NCAM1: variants seen among roughly 807,000 people sequenced by gnomAD.
The protein encoded by NCAM1 is neural cell adhesion molecule 1.
In NCAM1, 14 loss-of-function variants were observed where a neutral mutation model predicts 109.8. That is an observed-to-expected ratio of 0.13 (90% CI 0.08 to 0.20). The LOEUF is 0.20. Ranked by LOEUF, NCAM1 falls within the 10% of genes least tolerant of loss-of-function variation. The pLI, the probability that NCAM1 is intolerant of heterozygous loss-of-function variation, is 1.00. For synonymous variants in NCAM1, 418 were observed against 442.9 expected (o/e 0.94, Z 0.70); for missense variants, 774 against 1,109.9 (o/e 0.70, Z 4.30).
In NCAM1 at chr11:113,125,321, C is replaced by T. The variant is rs144330932; in HGVS notation, c.53-77058C>T. On this transcript the variant is annotated intron_variant, in intron 1 of 19. Coordinates refer to ENST00000316851, the MANE Select transcript of NCAM1 (RefSeq NM_181351.5). ...CACGTTTCCTCTGTAATGATTGCAG[C>T]AGTATCTTAGAAATTCTAAACCCTA... Among the ~76,000 whole-genome samples the T allele has an allele frequency of 2.3e-3, 347 of 152,258 alleles. 1 individual carries two copies. The highest frequency in any genetic ancestry group is 4.1e-3 in the Non-Finnish European group (276 of 68,012).
At chr11:113,223,717 A>G (rs1398437641) in intron 9 of NCAM1, among the ~76,000 whole-genome samples, 2 of 152,128 alleles carry the variant, frequency 1.3e-5, no homozygotes, top group Non-Finnish European at 2.9e-5. Flanking sequence ...GTCACAAAGA[A>G]TTTTAGTTCA....
At chr11:113,232,643 A>G in intron 11 of NCAM1, 75 bp from the exon 12 acceptor site, 1 of 1,205,502 alleles carries the variant, frequency 8.3e-7, no homozygotes. Context: ...TACTAACTTA[A>G]TTCAGTAAAT....
chr11:113,185,537 C>G (rs1164420321), intron 1 of NCAM1, among the ~76,000 whole-genome samples: 2 of 152,090 alleles, frequency 1.3e-5, no homozygotes, highest in Non-Finnish European at 2.9e-5. Context: ...ATAAAATTAA[C>G]CATCACAATC....
intron 1 of NCAM1, among the ~76,000 whole-genome samples, chr11:113,029,477 G>A (rs1555077990): frequency 6.6e-6 from 1 of 152,170 alleles, no homozygotes. Context: ...AAGCAATTCA[G>A]TATTGATACT....
intron 15 of NCAM1, among the ~76,000 whole-genome samples, chr11:113,255,535 A>T (rs1242552873): frequency 1.3e-5 from 2 of 151,774 alleles, no homozygotes; most frequent in Admixed American, 1.3e-4. Context: ...TCAGGCTTAT[A>T]AAAATTAAAT....
chr11:113,169,455 CTGTACCTCACATA>C (rs1942918641), intron 1 of NCAM1, among the ~76,000 whole-genome samples: 1 of 152,162 alleles, frequency 6.6e-6, no homozygotes, highest in Non-Finnish European at 1.5e-5. Flanking sequence ...ATAGTTCAAG[CTGTACCTCACATA>C]GGGGAAGAGA....
At chr11:113,164,016 A>T (rs1225020155) in intron 1 of NCAM1, among the ~76,000 whole-genome samples, 1 of 152,198 alleles carries the variant, frequency 6.6e-6, no homozygotes, top group Admixed American at 6.5e-5. Context: ...ACACCACATT[A>T]TCTTGCAAGG....
intron 1 of NCAM1, among the ~76,000 whole-genome samples, chr11:113,167,528 T>C (rs1209318698): frequency 1.1e-5 from 1 of 94,014 alleles, no homozygotes; most frequent in Admixed American, 1.4e-4. Context: ...GAAACGTGTT[T>C]TTTTTTTTTT....
chr11:113,148,932 T>C (rs910477436), intron 1 of NCAM1, among the ~76,000 whole-genome samples: 6 of 152,044 alleles, frequency 3.9e-5, no homozygotes, highest in Non-Finnish European at 2.9e-5. Flanking sequence ...AGCCAATGAG[T>C]GACTGTCTCA....
chr11:113,199,320 G>A (rs1555111408), intron 1 of NCAM1, among the ~76,000 whole-genome samples: 4 of 152,150 alleles, frequency 2.6e-5, no homozygotes, highest in Non-Finnish European at 5.9e-5. Context: ...GAGTAGGAAA[G>A]GACCAGGCAG....
chr11:113,068,609 T>C (rs1383091252), intron 1 of NCAM1, among the ~76,000 whole-genome samples: 1 of 152,220 alleles, frequency 6.6e-6, no homozygotes, highest in Non-Finnish European at 1.5e-5. Context: ...ATTCCTGTGA[T>C]TAATTCCACG....
At chr11:113,067,320 A>G (rs763073134) in intron 1 of NCAM1, among the ~76,000 whole-genome samples, 38 of 152,322 alleles carry the variant, frequency 2.5e-4, no homozygotes, top group Non-Finnish European at 4.7e-4. Flanking sequence ...TGGAAGCCCA[A>G]GGTTTCACTG....
At chr11:113,214,186 C>T (rs1185553403) in intron 7 of NCAM1, among the ~76,000 whole-genome samples, 183 bp from the exon 8 acceptor site, 1 of 152,168 alleles carries the variant, frequency 6.6e-6, no homozygotes, top group Non-Finnish European at 1.5e-5. Context: ...TTATGGTTTC[C>T]GTGTTGTCAC....
chr11:113,100,054 T>A (rs1591324235), intron 1 of NCAM1, among the ~76,000 whole-genome samples: 1 of 152,186 alleles, frequency 6.6e-6, no homozygotes, highest in African/African-American at 2.4e-5. Flanking sequence ...AATCCCACCT[T>A]CTTTTCAACC....
chr11:113,183,971 C>A (rs1307336693), intron 1 of NCAM1, among the ~76,000 whole-genome samples: 28 of 152,202 alleles, frequency 1.8e-4, no homozygotes, highest in African/African-American at 6.8e-4. Flanking sequence ...AGTATGTAAG[C>A]TGTAGAGGTC....
chr11:113,116,402 AGGGACCATCACAACACT>A (rs1940710866), intron 1 of NCAM1, among the ~76,000 whole-genome samples: 7 of 152,170 alleles, frequency 4.6e-5, no homozygotes, highest in Admixed American at 1.3e-4. Context: ...GCTTTCTCCA[AGGGACCATCACAACACT>A]GCAAAGCCGC....
chr11:113,190,264 T>G (rs1555109600), intron 1 of NCAM1, among the ~76,000 whole-genome samples: 1 of 152,170 alleles, frequency 6.6e-6, no homozygotes, highest in East Asian at 1.9e-4. Context: ...GGAAGGATTT[T>G]GGGACTTTTC....
intron 1 of NCAM1, among the ~76,000 whole-genome samples, chr11:113,012,734 G>T (rs1156768753): frequency 6.6e-6 from 1 of 152,196 alleles, no homozygotes; most frequent in Non-Finnish European, 1.5e-5. Flanking sequence ...AAGGACGCCA[G>T]TCATTGAGTT....
intron 8 of NCAM1, among the ~76,000 whole-genome samples, chr11:113,220,822 C>A (rs1327946424): frequency 6.6e-6 from 1 of 151,774 alleles, no homozygotes; most frequent in Non-Finnish European, 1.5e-5. Context: ...TGTTGGCCAG[C>A]ATGGTCTCAA....
Sources: allele counts gnomAD v4.1 joint callset (sites outside exome capture counted in the v4.1 genomes callset), GRCh38; gene constraint gnomAD v4.1.1; transcripts MANE v1.5; gene names NCBI Gene and HGNC (gene_info 2026-07-23, HGNC 2026-07-21).